KIAA0825: variants seen among roughly 807,000 people sequenced by gnomAD.
The protein encoded by KIAA0825 is uncharacterized protein KIAA0825.
Under a neutral mutation model 147.6 loss-of-function variants are expected in KIAA0825, and 119 were observed. The ratio of observed to expected loss-of-function variants is 0.81; its 90% CI spans 0.69 to 0.94. The LOEUF is 0.94. Ranked by LOEUF, KIAA0825 falls within the 40% of genes least tolerant of loss-of-function variation. The pLI is 0.00. For synonymous variants in KIAA0825, 470 were observed against 518.1 expected (o/e 0.91, Z 1.26); for missense variants, 1,381 against 1,472.7 (o/e 0.94, Z 1.02).
intron 20 of KIAA0825, among the ~76,000 whole-genome samples, chr5:94,333,461 C>T (rs953036930): frequency 1.3e-5 from 2 of 151,974 alleles, no homozygotes; most frequent in Non-Finnish European, 2.9e-5. Flanking sequence ...GCCAGTTTTC[C>T]CAACATCTTT....
At chr5:94,550,303 C>T (rs568789001) in intron 2 of KIAA0825, among the ~76,000 whole-genome samples, 1 of 152,230 alleles carries the variant, frequency 6.6e-6, no homozygotes, top group African/African-American at 2.4e-5. Flanking sequence ...TTTATACTGG[C>T]CAAACTACTG....
chr5:94,525,484 C>G (rs1769094244), intron 3 of KIAA0825, among the ~76,000 whole-genome samples: 1 of 151,924 alleles, frequency 6.6e-6, no homozygotes. Context: ...CCTCCTCTGG[C>G]CACAGGCCAC....
At chr5:94,222,262 C>T (rs561967055) in intron 20 of KIAA0825, among the ~76,000 whole-genome samples, 1 of 152,128 alleles carries the variant, frequency 6.6e-6, no homozygotes, top group African/African-American at 2.4e-5. Context: ...GGGCCTTTCT[C>T]TCCTCTCCCA....
chr5:94,583,343 A>C (rs1168574002), intron 1 of KIAA0825, among the ~76,000 whole-genome samples: 1 of 152,238 alleles, frequency 6.6e-6, no homozygotes, highest in Non-Finnish European at 1.5e-5. Flanking sequence ...CTGGCAGACC[A>C]GAAGATTCCC....
At chr5:94,278,965 G>GC (rs1289907728) in intron 20 of KIAA0825, among the ~76,000 whole-genome samples, 1 of 151,840 alleles carries the variant, frequency 6.6e-6, no homozygotes, top group African/African-American at 2.4e-5. Flanking sequence ...ATGTAAATTA[G>GC]CTATTTCAAT....
chr5:94,549,661 C>T (rs916488665), intron 2 of KIAA0825, among the ~76,000 whole-genome samples: 5 of 152,042 alleles, frequency 3.3e-5, no homozygotes, highest in Non-Finnish European at 5.9e-5. Context: ...TGCAGTGAGC[C>T]GAGATTGAGC....
intron 16 of KIAA0825, among the ~76,000 whole-genome samples, chr5:94,399,569 A>G (rs992588481): frequency 6.6e-6 from 1 of 152,116 alleles, no homozygotes; most frequent in Non-Finnish European, 1.5e-5. Flanking sequence ...GTCTATGATG[A>G]TGTCAACAAC....
intron 14 of KIAA0825, among the ~76,000 whole-genome samples, chr5:94,434,707 G>T (rs1469139909): frequency 1.3e-5 from 2 of 152,158 alleles, no homozygotes; most frequent in East Asian, 3.8e-4. Flanking sequence ...TGGTGAAAGG[G>T]TGGAAGGCAG....
intron 5 of KIAA0825, among the ~76,000 whole-genome samples, chr5:94,515,477 C>T (rs1192908543): frequency 1.3e-5 from 2 of 152,042 alleles, no homozygotes; most frequent in Non-Finnish European, 2.9e-5. Context: ...TAAACCTTTA[C>T]GAAATAATAA....
intron 5 of KIAA0825, among the ~76,000 whole-genome samples, chr5:94,490,117 T>G (rs1763558929): frequency 6.6e-6 from 1 of 152,126 alleles, no homozygotes; most frequent in Non-Finnish European, 1.5e-5. Flanking sequence ...AAAGAATAGT[T>G]GAAGTTCCTT....
intron 20 of KIAA0825, among the ~76,000 whole-genome samples, chr5:94,332,045 C>A (rs1015361894): frequency 6.6e-6 from 1 of 151,334 alleles, no homozygotes; most frequent in African/African-American, 2.4e-5. Context: ...GCCTATAATC[C>A]CAGCTACTTG....
intron 14 of KIAA0825, among the ~76,000 whole-genome samples, chr5:94,438,137 G>A (rs1756613019): frequency 6.6e-6 from 1 of 152,172 alleles, no homozygotes; most frequent in South Asian, 2.1e-4. Context: ...ATGAGTATTT[G>A]TATTGGAAGG....
chr5:94,592,636 A>G (rs1165130017), intron 1 of KIAA0825: 3 of 204,710 alleles, frequency 1.5e-5, no homozygotes, highest in African/African-American at 7.1e-5. Flanking sequence ...GAAGCTGTAC[A>G]TTGGAATGGG....
chr5:94,468,747 AGTGCCTGC>A (rs1760857818), intron 10 of KIAA0825, among the ~76,000 whole-genome samples: 1 of 150,742 alleles, frequency 6.6e-6, no homozygotes, highest in Non-Finnish European at 1.5e-5. Flanking sequence ...AGGAACCTTC[AGTGCCTGC>A]GAGGTGACAG....
intron 20 of KIAA0825, among the ~76,000 whole-genome samples, chr5:94,291,992 C>T (rs1777919204): frequency 6.6e-6 from 1 of 152,288 alleles, no homozygotes; most frequent in South Asian, 2.1e-4. Context: ...AGTTGCTTAT[C>T]AGCTTAAGGA....
At chr5:94,539,628 G>A (rs986986311) in intron 2 of KIAA0825, among the ~76,000 whole-genome samples, 1 of 152,138 alleles carries the variant, frequency 6.6e-6, no homozygotes, top group South Asian at 2.1e-4. Flanking sequence ...CTGGGTAAGT[G>A]GTGGGGTACC....
chr5:94,255,742 A>G (rs1185654989), intron 20 of KIAA0825, among the ~76,000 whole-genome samples: 1 of 87,532 alleles, frequency 1.1e-5, no homozygotes, highest in Admixed American at 1.8e-4. Context: ...TTTTTGAGAC[A>G]GGGTCTCACT....
At chr5:94,237,043 A>ATGTGTGTGTGTG (rs36021428) in intron 20 of KIAA0825, among the ~76,000 whole-genome samples, 2 of 147,582 alleles carry the variant, frequency 1.4e-5, no homozygotes, top group South Asian at 4.3e-4. Flanking sequence ...AATAGGCTAT[A>ATGTGTGTGTGTG]TGTGTGTGTG....
rs5869623 is a variant in KIAA0825 at position 94,205,268 on chromosome 5, CATAT to C, written c.3711-51148_3711-51145del. ...ACTATGATTTCTGTGACTATTTAATCATATATATATATATATATATATATATATA... is the reference window on the plus strand; with the variant it reads ...ACTATGATTTCTGTGACTATTTAATCATATATATATATATATATATATATA... On this transcript the variant is annotated intron_variant, in intron 20 of 20. Coordinates refer to ENST00000682413, the MANE Select transcript of KIAA0825 (RefSeq NM_001145678.3). Among the ~76,000 whole-genome samples the C allele has an allele frequency of 1.3e-3, 117 of 90,290 alleles. 3 individuals are homozygous for C. Among genetic ancestry groups the C allele is most frequent in the African/African-American group, 2.7e-3 (61 of 22,398 alleles). 59.2% of individuals were successfully genotyped at this position (90,290 alleles called of 152,430 possible).
Sources: gnomAD v4.1 joint callset for allele counts (sites outside exome capture counted in the v4.1 genomes callset) on GRCh38, gnomAD v4.1.1 for gene constraint, MANE v1.5 for transcripts, NCBI Gene and HGNC (gene_info 2026-07-23, HGNC 2026-07-21) for gene names.